Variants in DPH6 observed in about 807,000 individuals in gnomAD.
DPH6 encodes diphthine--ammonia ligase.
Under a neutral mutation model 38.2 loss-of-function variants are expected in DPH6, and 33 were observed. The observed-to-expected ratio is 0.86, with a 90% CI of 0.65 to 1.15. The LOEUF (loss-of-function observed/expected upper bound fraction) is 1.15. Among genes scored for constraint, DPH6 ranks in the 50% most tolerant of loss-of-function variants. DPH6 has a pLI of 0.00. For missense variants in DPH6, 325 were observed against 320.0 expected, an observed-to-expected ratio of 1.02 and a Z score of -0.12; for synonymous variants, 108 against 103.0, an observed-to-expected ratio of 1.05 and a Z score of -0.30.
At chr15:35,203,771 C>T in the DPH6 span, among the ~76,000 whole-genome samples, 6 of 151,628 alleles carry the variant, frequency 4.0e-5, no homozygotes, top group Non-Finnish European at 8.9e-5. Flanking sequence ...AATAACATAA[C>T]CAATTATGTT....
intron 5 of DPH6, among the ~76,000 whole-genome samples, chr15:35,444,042 C>G (rs927651553): frequency 1.3e-5 from 2 of 152,154 alleles, no homozygotes; most frequent in African/African-American, 2.4e-5. Flanking sequence ...CTCTCCAGGT[C>G]CTTCACTGCT....
At chr15:35,500,011 T>C (rs890243979) in intron 3 of DPH6, among the ~76,000 whole-genome samples, 4 of 152,276 alleles carry the variant, frequency 2.6e-5, no homozygotes, top group African/African-American at 4.8e-5. Flanking sequence ...GGTCAAGAAG[T>C]TGATGAGGTA....
chr15:35,479,760 C>T (rs900423959), intron 3 of DPH6, among the ~76,000 whole-genome samples: 4 of 152,084 alleles, frequency 2.6e-5, no homozygotes, highest in Non-Finnish European at 5.9e-5. Flanking sequence ...ACTACACTCT[C>T]TCTCTTAACT....
At chr15:35,145,759 A>G in the DPH6 span, among the ~76,000 whole-genome samples, 4,724 of 152,264 alleles carry the variant, frequency 0.031, 241 homozygotes, top group African/African-American at 0.11. Flanking sequence ...CAGCCATCAA[A>G]GAATTATTTT....
At chr15:35,336,125 T>C (rs2052369783) in intron 3 of DPH6, among the ~76,000 whole-genome samples, 1 of 152,196 alleles carries the variant, frequency 6.6e-6, no homozygotes, top group Non-Finnish European at 1.5e-5. Flanking sequence ...AGGTATTTTA[T>C]TCTTTTTGTA....
At chr15:35,447,543 A>G (rs1017354479) in intron 5 of DPH6, among the ~76,000 whole-genome samples, 36 of 152,046 alleles carry the variant, frequency 2.4e-4, no homozygotes, top group African/African-American at 8.7e-4. Context: ...GGACAGTAAA[A>G]CAGCAGCCTT....
intron 3 of DPH6, among the ~76,000 whole-genome samples, chr15:35,526,142 T>C (rs796201924): frequency 1.4e-4 from 22 of 152,292 alleles, no homozygotes; most frequent in African/African-American, 5.3e-4. Flanking sequence ...GGGAAGATCA[T>C]GGGTTATTTA....
At chr15:35,421,361 A>G (rs2053502820) in intron 5 of DPH6, among the ~76,000 whole-genome samples, 1 of 152,220 alleles carries the variant, frequency 6.6e-6, no homozygotes, top group Non-Finnish European at 1.5e-5. Context: ...AAGTAGACTT[A>G]GATATTTTAT....
At chr15:35,177,474 T>C in the DPH6 span, among the ~76,000 whole-genome samples, 2 of 150,298 alleles carry the variant, frequency 1.3e-5, no homozygotes, top group Non-Finnish European at 2.9e-5. Context: ...TAGTCCCAGC[T>C]ACTGAGGAGG....
downstream of DPH6, among the ~76,000 whole-genome samples, chr15:35,370,381 A>G (rs1052591905): frequency 1.3e-5 from 2 of 151,676 alleles, no homozygotes; most frequent in Non-Finnish European, 3.0e-5. Context: ...TGTAAAAGAC[A>G]CTGTTAAGAG....
At chr15:35,182,266 G>A in the DPH6 span, among the ~76,000 whole-genome samples, 1 of 107,208 alleles carries the variant, frequency 9.3e-6, no homozygotes, top group Non-Finnish European at 1.8e-5. Flanking sequence ...TACTTTTAAG[G>A]CCAAAAACCC....
rs185470823 is a variant in DPH6, at chr15:35,262,472, C to T, written n.201-41890G>A. Among the ~76,000 whole-genome samples, 1,357 of 151,908 alleles carry T rather than the reference C, an allele frequency of 8.9e-3. 22 individuals carry two copies. The highest frequency in any genetic ancestry group is 0.031 in the African/African-American group (1,292 of 41,408). On this transcript the variant is annotated intron_variant and non_coding_transcript_variant, in intron 3 of 3. Transcript: ENST00000560386. ...CTGTAATCCCAGCACTTTGGGAGGC[C>T]GAGGCAGGGGGATCACCAGGTCAGG...
intron 3 of DPH6, among the ~76,000 whole-genome samples, chr15:35,343,686 T>C (rs2052440096): frequency 6.6e-6 from 1 of 152,022 alleles, no homozygotes; most frequent in African/African-American, 2.4e-5. Flanking sequence ...CAAATATTTA[T>C]TGAGTGCCTA....
intron 3 of DPH6, among the ~76,000 whole-genome samples, chr15:35,280,689 C>T (rs1220181484): frequency 6.6e-6 from 1 of 152,064 alleles, no homozygotes; most frequent in Non-Finnish European, 1.5e-5. Context: ...TTTCTAGAAG[C>T]GTTACTAAAA....
the DPH6 span, among the ~76,000 whole-genome samples, chr15:35,185,526 C>A: frequency 6.6e-6 from 1 of 152,124 alleles, no homozygotes; most frequent in Non-Finnish European, 1.5e-5. Flanking sequence ...CTACAAGGAA[C>A]AGAGTTGTTG....
chr15:35,394,828 G>A (rs372522824), intron 6 of DPH6, among the ~76,000 whole-genome samples: 2 of 152,056 alleles, frequency 1.3e-5, no homozygotes, highest in African/African-American at 4.8e-5. Context: ...CTCAATAAAG[G>A]GGCTGCTAAT....
At chr15:35,150,574 G>A in the DPH6 span, among the ~76,000 whole-genome samples, 2 of 152,328 alleles carry the variant, frequency 1.3e-5, no homozygotes, top group Non-Finnish European at 1.5e-5. Context: ...GGCAGAGCTC[G>A]TGTTGTAAAT....
At chr15:35,251,622 T>C (rs2051674798) in intron 3 of DPH6, among the ~76,000 whole-genome samples, 1 of 152,226 alleles carries the variant, frequency 6.6e-6, no homozygotes, top group Non-Finnish European at 1.5e-5. Context: ...TAGCTTCATA[T>C]CACAGATACG....
chr15:35,196,221 T>C, the DPH6 span, among the ~76,000 whole-genome samples: 1 of 152,304 alleles, frequency 6.6e-6, no homozygotes, highest in Non-Finnish European at 1.5e-5. Context: ...CTAATTAGAA[T>C]ATAAGATAAA....
Sources: allele counts gnomAD v4.1 joint callset (sites outside exome capture counted in the v4.1 genomes callset), GRCh38; gene constraint gnomAD v4.1.1; transcripts MANE v1.5; gene names NCBI Gene and HGNC (gene_info 2026-07-23, HGNC 2026-07-21).